The following SHC3 variants were observed in gnomAD, a reference collection of about 807,000 sequenced individuals.
The protein encoded by SHC3 is SHC-transforming protein 3.
SHC3 carries 15 observed loss-of-function variants against 60.4 expected under a neutral mutation model. The observed-to-expected ratio is 0.25, with a 90% confidence interval of 0.17 to 0.38. The LOEUF (loss-of-function observed/expected upper bound fraction) is 0.38. SHC3 is among the 10% of genes least tolerant of loss of function. SHC3 has a pLI of 1.00. For synonymous variants in SHC3, 294 were observed against 325.9 expected (o/e 0.90, Z 1.05); for missense variants, 677 against 786.1 (o/e 0.86, Z 1.66).
intron 1 of SHC3, among the ~76,000 whole-genome samples, chr9:89,140,453 C>T (rs1045373640): frequency 2.0e-5 from 3 of 152,012 alleles, no homozygotes; most frequent in South Asian, 4.2e-4. Flanking sequence ...GGTGGGGGGG[C>T]GCATCTCCAT....
chr9:89,121,205 G>A (rs1423673988), intron 1 of SHC3, among the ~76,000 whole-genome samples: 1 of 152,034 alleles, frequency 6.6e-6, no homozygotes, highest in African/African-American at 2.4e-5. Flanking sequence ...ACTGTGATGT[G>A]TCATTACCAC....
chr9:89,122,801 G>C lies in SHC3; in HGVS notation c.475-10175C>G, dbSNP rs80330097. 8.5e-3 allele frequency among the ~76,000 whole-genome samples: 1,287 copies of C among 152,278 alleles called. 7 individuals carry two copies. Among genetic ancestry groups the C allele is most frequent in the Non-Finnish European group, 0.013 (889 of 68,010 alleles). The stretch of plus-strand genomic sequence containing the variant: ...GTGCTGCTAGGGTGGGGAGTCAGGT[G>C]GGGGAGTAGGAATTGTGGGAAGGAG... On this transcript the variant is annotated intron_variant, in intron 1 of 11. Coordinates refer to ENST00000375835, the MANE Select transcript of SHC3 (RefSeq NM_016848.6).
At chr9:89,125,664 A>C (rs1161752773) in intron 1 of SHC3, among the ~76,000 whole-genome samples, 1 of 152,146 alleles carries the variant, frequency 6.6e-6, no homozygotes, top group Non-Finnish European at 1.5e-5. Context: ...AAGAAGACCC[A>C]CCAAAACCAA....
chr9:89,093,664 C>T (rs1360059939), intron 2 of SHC3, among the ~76,000 whole-genome samples: 2 of 150,860 alleles, frequency 1.3e-5, no homozygotes, highest in Admixed American at 6.6e-5. Flanking sequence ...CACAAAAGCA[C>T]TCAAAGGAAA....
intron 5 of SHC3, among the ~76,000 whole-genome samples, chr9:89,069,585 A>G (rs935716706): frequency 1.3e-5 from 2 of 152,240 alleles, no homozygotes; most frequent in Non-Finnish European, 2.9e-5. Flanking sequence ...GCAGAGATAT[A>G]AGGGCAAAGA....
intron 4 of SHC3, among the ~76,000 whole-genome samples, chr9:89,073,266 G>A (rs1269245558): frequency 3.3e-5 from 5 of 152,228 alleles, no homozygotes; most frequent in Admixed American, 2.6e-4. Flanking sequence ...TTTGGTTGAC[G>A]TGATGCGTGA....
At chr9:89,089,763 G>A (rs1000401985) in intron 2 of SHC3, among the ~76,000 whole-genome samples, 2 of 152,188 alleles carry the variant, frequency 1.3e-5, no homozygotes, top group Non-Finnish European at 2.9e-5. Context: ...TGAGGATGGG[G>A]AGGGGTCAGA....
At chr9:89,017,045 T>C (rs1826108609) in intron 11 of SHC3, among the ~76,000 whole-genome samples, 1 of 152,138 alleles carries the variant, frequency 6.6e-6, no homozygotes, top group African/African-American at 2.4e-5. Flanking sequence ...ATAGGAAGAA[T>C]CGATATCGTG....
intron 11 of SHC3, chr9:89,037,570 C>G (rs1252884290): frequency 1.4e-6 from 1 of 712,664 alleles, no homozygotes; most frequent in Middle Eastern, 2.3e-4. Flanking sequence ...GTTTCATTTA[C>G]TGATCATCAC....
Position 89,075,210 on chromosome 9 carries a change from A to G in SHC3, c.628T>C (p.Ser210Pro), listed in dbSNP as rs1451130624. ...KKRKPPSKMLSSILGKSNLQF... is the reference protein window; with the variant it reads ...KKRKPPSKMLPSILGKSNLQF... ...AGGTTGCTCTTTCCCAAGATGCTGG[A>G]CAGCATTTTGCTTGGAGGCTGTGAA... Residue 210 changes from serine (S) to proline (P), a missense_variant, in exon 4 of 12, where the codon TCC becomes CCC. By Grantham distance (74) the Ser-to-Pro change is moderately conservative. Coordinates refer to ENST00000375835, the MANE Select transcript of SHC3 (RefSeq NM_016848.6). 2 of 1,613,788 alleles carry G rather than the reference A, an allele frequency of 1.2e-6. No homozygotes were observed. The highest frequency in any genetic ancestry group is 1.7e-6 in the Non-Finnish European group (2 of 1,179,888).
chr9:89,177,947 A>G (rs1463057386), intron 1 of SHC3, 40 bp downstream of exon 1: 7 of 1,190,248 alleles, frequency 5.9e-6, no homozygotes, highest in African/African-American at 3.2e-5. Context: ...AACTGGCCCC[A>G]GAACCCCCAG....
intron 1 of SHC3, among the ~76,000 whole-genome samples, chr9:89,137,745 G>T (rs1826338567): frequency 6.6e-6 from 1 of 152,138 alleles, no homozygotes; most frequent in Non-Finnish European, 1.5e-5. Flanking sequence ...AGAATTCAAA[G>T]AAATAATGAG....
At position 89,178,344 on chromosome 9, in the gene SHC3, C is replaced by A; in HGVS notation, c.117G>T (p.Ala39=). The A allele has an allele frequency of 6.3e-7, 1 of 1,594,430 alleles. No homozygotes were observed. The highest frequency in any genetic ancestry group is 8.5e-7 in the Non-Finnish European group (1 of 1,172,372). Residue 39 remains alanine, a synonymous_variant, in exon 1 of 12, where the codon GCG becomes GCT. Coordinates refer to ENST00000375835, the MANE Select transcript of SHC3 (RefSeq NM_016848.6). This position sits in a 1 kb window ranked among gnomAD's most constrained non-coding sequence, Gnocchi z 6.9. ...CCAAGTAGGGAGCCGCCGCCGGGGT[C>A]GCGCGCGCCGCCGAAACCTTGCCTC... ...GGGGKVSAAR[A]TPAAAPYLVS...
chr9:89,111,861 C>G (rs929512661), intron 2 of SHC3, among the ~76,000 whole-genome samples: 1 of 152,202 alleles, frequency 6.6e-6, no homozygotes, highest in African/African-American at 2.4e-5. Context: ...AGCTCCTTGA[C>G]CACAGAAATG....
Position 89,006,614 on chromosome 9 carries a change from G to A in SHC3, c.*6833C>T, listed in dbSNP as rs1825944459. ...AGTATGTATAATTTGCCATCCAAAT[G>A]CTTTTTAAAAAGTTATTATCTTATT... is the stretch of plus-strand genomic sequence containing the variant. On this transcript the variant is annotated 3_prime_UTR_variant, in exon 12 of 12. Coordinates refer to ENST00000375835, the MANE Select transcript of SHC3 (RefSeq NM_016848.6). 6.6e-6 allele frequency: 1 copy of A among 152,216 alleles called. No homozygotes were observed. Among genetic ancestry groups the A allele is most frequent in the African/African-American group, 2.4e-5 (1 of 41,450 alleles). The allele number at this position is 152,216 out of a possible 1,614,324, so 9.4% of individuals were successfully genotyped here.
chr9:89,134,489 G>T (rs1826293029), intron 1 of SHC3, among the ~76,000 whole-genome samples: 1 of 151,946 alleles, frequency 6.6e-6, no homozygotes, highest in Admixed American at 6.6e-5. Flanking sequence ...GATTATAAAG[G>T]GTTTATAAGA....
In SHC3 at chr9:89,007,544, C is replaced by G. The variant is rs1049766489; in HGVS notation, c.*5903G>C. On this transcript the variant is annotated 3_prime_UTR_variant, in exon 12 of 12. Coordinates refer to ENST00000375835, the MANE Select transcript of SHC3 (RefSeq NM_016848.6). ...TGAGGCCAAGAAACTGGCTAGAAAT[C>G]CCAAGAAACTGTGCCAAGTATATGC... 2.6e-5 allele frequency: 4 copies of G among 152,260 alleles called. No homozygotes were observed. The highest frequency in any genetic ancestry group is 2.9e-5 in the Non-Finnish European group (2 of 68,076). 9.4% of individuals were successfully genotyped at this position (152,260 alleles called of 1,614,324 possible). A position where few individuals can be genotyped will look rare whatever the true frequency, so the allele number is the denominator to read the frequency against.
intron 2 of SHC3, among the ~76,000 whole-genome samples, chr9:89,107,364 C>G (rs1390076759): frequency 1.3e-5 from 2 of 152,136 alleles, no homozygotes; most frequent in East Asian, 3.8e-4. Flanking sequence ...ACTCATAATC[C>G]CTGCACCCCT....
intron 11 of SHC3, among the ~76,000 whole-genome samples, chr9:89,034,867 G>A (rs544063070): frequency 5.3e-5 from 8 of 152,260 alleles, no homozygotes; most frequent in Admixed American, 1.3e-4. Flanking sequence ...ATGTTGGGAG[G>A]GAAACTGAGG....
Sources: allele counts gnomAD v4.1 joint callset (sites outside exome capture counted in the v4.1 genomes callset), GRCh38; gene constraint gnomAD v4.1.1; non-coding constraint Gnocchi (gnomAD v3.1); transcripts MANE v1.5; gene names NCBI Gene and HGNC (gene_info 2026-07-23, HGNC 2026-07-21).